The following WDFY3 variants were observed in gnomAD, a reference collection of about 807,000 sequenced individuals.
WDFY3 encodes WD repeat and FYVE domain-containing protein 3.
In WDFY3, 66 loss-of-function variants were observed where a neutral mutation model predicts 409.6. The ratio of observed to expected loss-of-function variants is 0.16; its 90% CI spans 0.13 to 0.20. The LOEUF (loss-of-function observed/expected upper bound fraction) is 0.20. Among genes scored for constraint, WDFY3 ranks in the 10% least tolerant of loss-of-function variants. WDFY3 has a pLI of 1.00. For missense variants in WDFY3, 3,031 were observed against 4,298.1 expected, an observed-to-expected ratio of 0.71 and a Z score of 8.24; for synonymous variants, 1,521 against 1,537.1, an observed-to-expected ratio of 0.99 and a Z score of 0.25.
Position 84,709,198 on chromosome 4 carries a change from G to A in WDFY3, c.8097+95C>T. On this transcript the variant is annotated intron_variant, in intron 52 of 67. Transcript: ENST00000295888. The stretch of plus-strand genomic sequence containing the variant: ...ATGAAAATAAAACATTTTCTCTATG[G>A]TATATATTTTATGGATAATTAAAGT... The A allele has an allele frequency of 3.6e-6, 5 of 1,406,340 alleles. No individual in the cohort carries two copies. The East Asian group carries it at 1.2e-4, about 33-fold the overall frequency. The allele number at this position is 1,406,340 out of a possible 1,614,324, so 87.1% of individuals were successfully genotyped here.
chr4:84,791,258 A>C (rs543817003), intron 21 of WDFY3, among the ~76,000 whole-genome samples: 1 of 152,330 alleles, frequency 6.6e-6, no homozygotes, highest in South Asian at 2.1e-4. Flanking sequence ...GACAACATAG[A>C]TGAAGCTTAA....
intron 4 of WDFY3, among the ~76,000 whole-genome samples, chr4:84,855,050 A>C (rs1759567517): frequency 6.6e-6 from 1 of 152,242 alleles, no homozygotes. Flanking sequence ...AAGGTAATGA[A>C]GAACAAAAAT....
Position 84,913,750 on chromosome 4 carries a change from AAAGC to A in WDFY3, c.-131-16744_-131-16741del, listed in dbSNP as rs1187822046. ...GGAAAAGAAATATTTTTAGAGAAAT[AAAGC>A]AAAAAAAAAAAAGGAAGAAAAATTA... On this transcript the variant is annotated intron_variant, in intron 2 of 67. Transcript: ENST00000295888. Among the ~76,000 whole-genome samples, 278 of 147,350 alleles carry A rather than the reference AAAGC, an allele frequency of 1.9e-3. 2 individuals carry two copies. The highest frequency in any genetic ancestry group is 6.9e-3 in the African/African-American group (255 of 37,002).
chr4:84,764,585 G>T (rs1743276454), intron 32 of WDFY3, among the ~76,000 whole-genome samples: 1 of 152,064 alleles, frequency 6.6e-6, no homozygotes. Context: ...CCTATGGCTG[G>T]GTGCAGTGGC....
intron 1 of WDFY3, among the ~76,000 whole-genome samples, chr4:84,943,990 A>G (rs1256873952): frequency 6.6e-6 from 1 of 152,210 alleles, no homozygotes; most frequent in Non-Finnish European, 1.5e-5. Context: ...TTTGTTAATT[A>G]TAGAGCAAAT....
At position 84,778,484 on chromosome 4, in the gene WDFY3, A is replaced by T; in HGVS notation, c.4518+19T>A. On this transcript the variant is annotated intron_variant, in intron 27 of 67. Transcript: ENST00000295888. ...TGCATTCATTGATTATATATTATCAATTATGCTTATATACATACTTCAAAA... is the reference window on the plus strand; with the variant it reads ...TGCATTCATTGATTATATATTATCATTTATGCTTATATACATACTTCAAAA... 1 of 1,552,352 alleles carries T rather than the reference A, an allele frequency of 6.4e-7. No individual in the cohort carries two copies. Among genetic ancestry groups the T allele is most frequent in the South Asian group, 1.2e-5 (1 of 80,226 alleles).
chr4:84,799,766 G>A (rs1750173191), intron 17 of WDFY3, among the ~76,000 whole-genome samples: 1 of 152,144 alleles, frequency 6.6e-6, no homozygotes. Context: ...AGGTTTGCCA[G>A]TTTTTCATGT....
chr4:84,959,145 C>CA (rs896369233), intron 1 of WDFY3, among the ~76,000 whole-genome samples: 2 of 152,088 alleles, frequency 1.3e-5, no homozygotes, highest in African/African-American at 4.8e-5. Context: ...AGCAGACACT[C>CA]AAGTCTTTTT....
intron 36 of WDFY3, among the ~76,000 whole-genome samples, chr4:84,745,950 G>A (rs76730797): frequency 6.6e-6 from 1 of 151,854 alleles, no homozygotes; most frequent in Non-Finnish European, 1.5e-5. Context: ...AATAGCTTGA[G>A]TCATCATAAT....
intron 6 of WDFY3, among the ~76,000 whole-genome samples, chr4:84,837,992 T>C (rs1306880644): frequency 6.6e-6 from 1 of 152,188 alleles, no homozygotes; most frequent in Non-Finnish European, 1.5e-5. Flanking sequence ...ACAATGGTAG[T>C]ATATACAGGC....
At chr4:84,705,259 T>C (rs1731735294) in intron 54 of WDFY3, 135 bp downstream of exon 54, 4 of 692,478 alleles carry the variant, frequency 5.8e-6, no homozygotes, top group African/African-American at 3.6e-5. Context: ...AATCTGCATA[T>C]ATGTGTGGAC....
intron 13 of WDFY3, among the ~76,000 whole-genome samples, chr4:84,816,844 T>A (rs536091087): frequency 3.3e-5 from 5 of 152,226 alleles, no homozygotes; most frequent in African/African-American, 9.6e-5. Flanking sequence ...AAAAGTCACT[T>A]AAGTGAACAA....
intron 32 of WDFY3, among the ~76,000 whole-genome samples, chr4:84,758,737 T>A (rs928773636): frequency 6.6e-6 from 1 of 152,104 alleles, no homozygotes; most frequent in African/African-American, 2.4e-5. Flanking sequence ...AAAAATTATA[T>A]AGCAATTTAA....
chr4:84,831,355 T>C (rs903822068), intron 8 of WDFY3, 58 bp downstream of exon 8: 2 of 1,223,188 alleles, frequency 1.6e-6, no homozygotes, highest in African/African-American at 1.6e-5. Context: ...AAATCTATTA[T>C]TAAATGAAGA....
At chr4:84,731,393 T>C (rs1736584122) in intron 44 of WDFY3, among the ~76,000 whole-genome samples, 2 of 152,204 alleles carry the variant, frequency 1.3e-5, no homozygotes, top group African/African-American at 4.8e-5. Context: ...AAAACCAAAA[T>C]AAAAATTACT....
intron 7 of WDFY3, among the ~76,000 whole-genome samples, chr4:84,834,618 T>C (rs1422139790): frequency 6.6e-6 from 1 of 152,126 alleles, no homozygotes; most frequent in Non-Finnish European, 1.5e-5. Flanking sequence ...ACCACCGCAC[T>C]CCGGCCTGGG....
intron 6 of WDFY3, among the ~76,000 whole-genome samples, chr4:84,840,447 TC>T (rs1276222637): frequency 6.6e-6 from 1 of 152,218 alleles, no homozygotes; most frequent in East Asian, 1.9e-4. Flanking sequence ...TTTTTATTTT[TC>T]CTGAGCCAGA....
intron 12 of WDFY3, 32 bp from the exon 13 acceptor site, chr4:84,817,617 C>A (rs753725688): frequency 3.9e-6 from 6 of 1,557,028 alleles, no homozygotes; most frequent in Non-Finnish European, 4.4e-6. Context: ...CCAACAATGG[C>A]TACTTTAAAA....
chr4:84,748,444 A>G (rs757836838), intron 36 of WDFY3, among the ~76,000 whole-genome samples: 1 of 152,192 alleles, frequency 6.6e-6, no homozygotes, highest in Non-Finnish European at 1.5e-5. Flanking sequence ...GGTGATGTAC[A>G]TATATTTAAT....
Sources: allele counts gnomAD v4.1 joint callset (sites outside exome capture counted in the v4.1 genomes callset), GRCh38; gene constraint gnomAD v4.1.1; transcripts MANE v1.5; gene names NCBI Gene and HGNC (gene_info 2026-07-23, HGNC 2026-07-21).